SSPN: variants seen among roughly 807,000 people sequenced by gnomAD.
SSPN encodes sarcospan.
In SSPN, 15 loss-of-function variants were observed where a neutral mutation model predicts 19.1. That is an observed-to-expected ratio of 0.78 (90% confidence interval 0.52 to 1.21). The LOEUF is 1.21. Ranked by LOEUF, SSPN falls within the 50% of genes most tolerant of loss-of-function variation. The pLI, the probability that SSPN is intolerant of heterozygous loss-of-function variation, is 0.00. For missense variants in SSPN, 291 were observed against 314.0 expected (o/e 0.93, Z 0.55); for synonymous variants, 147 against 140.3 (o/e 1.05, Z -0.34).
chr12:26,199,909 C>T (rs916370734), intron 1 of SSPN, among the ~76,000 whole-genome samples: 1 of 152,150 alleles, frequency 6.6e-6, no homozygotes. Flanking sequence ...TGAATACTTC[C>T]GATTAGAAAA....
intron 1 of SSPN, among the ~76,000 whole-genome samples, chr12:26,197,852 T>C (rs189411552): frequency 6.6e-6 from 1 of 152,314 alleles, no homozygotes; most frequent in East Asian, 1.9e-4. Flanking sequence ...AGATTTTCTT[T>C]CAACTGAGAA....
At chr12:26,192,018 G>A (rs965510575), upstream of SSPN, among the ~76,000 whole-genome samples, 6 of 152,098 alleles carry the variant, frequency 3.9e-5, no homozygotes, top group Non-Finnish European at 7.4e-5. Context: ...ATTTCTAGTT[G>A]GGTTTCCTAA....
At chr12:26,123,355 G>A (rs1406825168) in intron 1 of SSPN, among the ~76,000 whole-genome samples, 1 of 152,160 alleles carries the variant, frequency 6.6e-6, no homozygotes, top group Non-Finnish European at 1.5e-5. Context: ...GTGCGGAGCG[G>A]GGAGAGGGCG....
chr12:26,198,173 G>T (rs559895855), intron 1 of SSPN, among the ~76,000 whole-genome samples: 7 of 148,994 alleles, frequency 4.7e-5, no homozygotes, highest in Middle Eastern at 3.4e-3. Flanking sequence ...TTTTGGGGGG[G>T]GGTTTTTGGA....
At chr12:26,182,055 CA>C (rs1162823208) in intron 1 of SSPN, among the ~76,000 whole-genome samples, 1 of 152,174 alleles carries the variant, frequency 6.6e-6, no homozygotes, top group African/African-American at 2.4e-5. Flanking sequence ...GAACAATTGA[CA>C]GTTGTTTAGA....
intron 1 of SSPN, chr12:26,123,874 T>A: frequency 1.3e-6 from 1 of 785,020 alleles, no homozygotes; most frequent in East Asian, 2.5e-5. Flanking sequence ...TTCTTGAGCT[T>A]TCCACAAGAC....
At chr12:26,142,642 G>A (rs2137407021) in intron 1 of SSPN, among the ~76,000 whole-genome samples, 1 of 152,324 alleles carries the variant, frequency 6.6e-6, no homozygotes, top group South Asian at 2.1e-4. Flanking sequence ...AAAGATCAGG[G>A]CTAGAGATTT....
chr12:26,139,367 A>T (rs1462351688), intron 1 of SSPN, among the ~76,000 whole-genome samples: 1 of 152,208 alleles, frequency 6.6e-6, no homozygotes, highest in Admixed American at 6.5e-5. Flanking sequence ...TCATTTATTC[A>T]TCATTGATAT....
chr12:26,194,196 T>C (rs1323484315), upstream of SSPN, among the ~76,000 whole-genome samples: 3 of 152,232 alleles, frequency 2.0e-5, no homozygotes, highest in African/African-American at 7.2e-5. Flanking sequence ...TGCTACTGAG[T>C]AGAGGTATGC....
rs189833673 is a variant in SSPN at position 26,163,265 on chromosome 12, A to G, written c.-31+41113A>G. On this transcript the variant is annotated intron_variant, in intron 1 of 2. Transcript: ENST00000538142. The stretch of plus-strand genomic sequence containing the variant: ...GACACAATGTTTTTCTTAAGAAGGC[A>G]ATTAATACCTTCTCTATAATAAGTA... 2.7e-4 allele frequency among the ~76,000 whole-genome samples: 41 copies of G among 152,300 alleles called. No homozygotes were observed. The East Asian group carries it at 3.5e-3, about 13-fold the overall frequency.
At chr12:26,136,948 T>G (rs911552234) in intron 1 of SSPN, among the ~76,000 whole-genome samples, 1 of 152,198 alleles carries the variant, frequency 6.6e-6, no homozygotes, top group African/African-American at 2.4e-5. Context: ...GGTCAGGTCT[T>G]AAATGAATGA....
chr12:26,178,372 T>C (rs896245316), intron 1 of SSPN, among the ~76,000 whole-genome samples: 1 of 152,186 alleles, frequency 6.6e-6, no homozygotes, highest in Admixed American at 6.5e-5. Flanking sequence ...TGTATGTGTG[T>C]AAGCCCTTCA....
intron 1 of SSPN, chr12:26,214,913 G>T (rs1205572410): frequency 2.0e-5 from 3 of 152,072 alleles, no homozygotes; most frequent in Admixed American, 6.5e-5. Flanking sequence ...CACATTGGGG[G>T]AAGCTGATTC....
intron 1 of SSPN, among the ~76,000 whole-genome samples, chr12:26,197,223 C>T (rs1442421486): frequency 6.6e-6 from 1 of 152,194 alleles, no homozygotes; most frequent in Non-Finnish European, 1.5e-5. Context: ...CAGGGACAGA[C>T]ATTAGAGAGA....
At position 26,150,333 on chromosome 12, in the gene SSPN, G is replaced by A. The variant is rs570650911; in HGVS notation, c.-31+28181G>A. Among the ~76,000 whole-genome samples the A allele has an allele frequency of 3.3e-5, 5 of 152,256 alleles. No individual in the cohort carries two copies. In the South Asian group the frequency reaches 6.2e-4, roughly 19 times the overall value. On this transcript the variant is annotated intron_variant, in intron 1 of 2. Coordinates refer to the SSPN transcript ENST00000538142. Reference sequence around the variant, plus strand: ...AGAGCAAAGTTCAGTAAAAGGTTTCGCTAATGTGTATGCGATGCCCTCCCA... The same window carrying A: ...AGAGCAAAGTTCAGTAAAAGGTTTCACTAATGTGTATGCGATGCCCTCCCA...
intron 1 of SSPN, among the ~76,000 whole-genome samples, chr12:26,182,203 C>T (rs755282125): frequency 1.3e-5 from 2 of 152,146 alleles, no homozygotes; most frequent in African/African-American, 2.4e-5. Flanking sequence ...TCACTGGAGT[C>T]GTTACTCACT....
At chr12:26,188,624 G>T (rs1396020287) in intron 1 of SSPN, among the ~76,000 whole-genome samples, 2 of 152,194 alleles carry the variant, frequency 1.3e-5, no homozygotes, top group African/African-American at 2.4e-5. Context: ...AAAATATGCA[G>T]TTCAAGGATT....
chr12:26,144,815 C>T (rs1045058924), intron 1 of SSPN, among the ~76,000 whole-genome samples: 1 of 152,208 alleles, frequency 6.6e-6, no homozygotes, highest in Non-Finnish European at 1.5e-5. Flanking sequence ...GGATTATCTA[C>T]TAAATCTTTC....
chr12:26,227,366 C>T (rs1945189011), intron 2 of SSPN, among the ~76,000 whole-genome samples: 1 of 152,098 alleles, frequency 6.6e-6, no homozygotes, highest in Non-Finnish European at 1.5e-5. Flanking sequence ...GTGGGAGAAG[C>T]CGAGTCACTA....
Sources: gnomAD v4.1 joint callset for allele counts (sites outside exome capture counted in the v4.1 genomes callset) on GRCh38, gnomAD v4.1.1 for gene constraint, MANE v1.5 for transcripts, NCBI Gene and HGNC (gene_info 2026-07-23, HGNC 2026-07-21) for gene names.